TPM2: variants seen among roughly 807,000 people sequenced by gnomAD.
TPM2 encodes the protein tropomyosin 2.
Under a neutral mutation model 41.0 loss-of-function variants are expected in TPM2, and 26 were observed. That is an observed-to-expected ratio of 0.63 (90% CI 0.46 to 0.88). The LOEUF is 0.88. Among genes scored for constraint, TPM2 ranks in the 40% least tolerant of loss-of-function variants. The pLI is 0.00. For synonymous variants in TPM2, 143 were observed against 139.3 expected (o/e 1.03, Z -0.19); for missense variants, 187 against 355.2 (o/e 0.53, Z 3.81).
intron 1 of TPM2, 32 bp from the exon 2 acceptor site, chr9:35,689,303 G>T (rs1470152615): frequency 6.2e-7 from 1 of 1,613,552 alleles, no homozygotes; most frequent in Middle Eastern, 1.7e-4. Context: ...CAGCCAGGCT[G>T]GGAGGGGGCC....
At chr9:35,686,057 C>T (rs573615462) in intron 2 of TPM2, among the ~76,000 whole-genome samples, 5 of 152,246 alleles carry the variant, frequency 3.3e-5, no homozygotes, top group Admixed American at 2.6e-4. Context: ...TTGAGAGCAG[C>T]CTGGCCAACA....
In TPM2 at chr9:35,684,852, C is replaced by A. The variant is rs147620993; in HGVS notation, c.564-45G>T. Reference sequence around the variant, plus strand: ...GGGGGGGCAGGGTGTGAGGGCACAGCGAAGCCAGACAGTGGAGATGGCACA... The same window carrying A: ...GGGGGGGCAGGGTGTGAGGGCACAGAGAAGCCAGACAGTGGAGATGGCACA... On this transcript the variant is annotated intron_variant, in intron 5 of 8. Coordinates refer to ENST00000645482, the MANE Select transcript of TPM2 (RefSeq NM_003289.4). 2.2e-5 allele frequency: 36 copies of A among 1,613,458 alleles called. No homozygotes were observed. The East Asian group carries it at 7.4e-4, about 33-fold the overall frequency.
At chr9:35,683,358 CAG>C in intron 8 of TPM2, 117 bp from the exon 9 acceptor site, 2 of 1,049,374 alleles carry the variant, frequency 1.9e-6, no homozygotes, top group Non-Finnish European at 2.8e-6. Flanking sequence ...TACACAAAGA[CAG>C]AGTGAGAGAG....
intron 2 of TPM2, among the ~76,000 whole-genome samples, chr9:35,686,636 C>CAAAAAAAA (rs11408936): frequency 9.6e-6 from 1 of 104,370 alleles, no homozygotes. Flanking sequence ...GATCCCATCT[C>CAAAAAAAA]AAAAAAAAAA....
chr9:35,689,008 G>A, intron 2 of TPM2, 138 bp downstream of exon 2: 2 of 1,032,026 alleles, frequency 1.9e-6, no homozygotes, highest in Non-Finnish European at 3.0e-6. Flanking sequence ...CCTAGCCCTG[G>A]TTACTGAGAT....
At chr9:35,684,831 G>GT (rs779225518) in intron 5 of TPM2, 24 bp from the exon 6 acceptor site, 1 of 1,613,562 alleles carries the variant, frequency 6.2e-7, no homozygotes, top group African/African-American at 1.3e-5. Flanking sequence ...GTGGCGGGGG[G>GT]GGCAGGGTGT....
At chr9:35,683,900 G>A (rs1782570322) in intron 8 of TPM2, 4 of 378,600 alleles carry the variant, frequency 1.1e-5, no homozygotes, top group East Asian at 1.3e-4. Flanking sequence ...GCCACTCAGA[G>A]TGTGGCATGA....
chr9:35,689,471 C>T, intron 1 of TPM2, 200 bp from the exon 2 acceptor site: 5 of 898,214 alleles, frequency 5.6e-6, no homozygotes, highest in Non-Finnish European at 6.7e-6. Flanking sequence ...AGGAGCAGGA[C>T]CAACCGCGCT....
In TPM2 at chr9:35,685,849, G is replaced by C; in HGVS notation, c.241-69C>G. ...GGATAAGGATCAGAGAGGCTCCAGA[G>C]GATGGCGAGATTCTTCTCAGAAAGA... On this transcript the variant is annotated intron_variant, in intron 2 of 8. Transcript: ENST00000645482. The surrounding 1 kb of genome is among the most constrained non-coding windows in gnomAD (Gnocchi z 5.0). 6.2e-7 allele frequency: 1 copy of C among 1,610,700 alleles called. No individual in the cohort carries two copies. Among genetic ancestry groups the C allele is most frequent in the African/African-American group, 1.3e-5 (1 of 74,966 alleles).
upstream of TPM2, chr9:35,689,931 G>T: frequency 6.3e-7 from 1 of 1,589,334 alleles, no homozygotes; most frequent in Non-Finnish European, 8.5e-7. Context: ...GGACTGGGAC[G>T]TCCCGGCCAC....
rs1824875952 is a variant in TPM2, at chr9:35,685,866, T to C, written c.241-86A>G. The C allele has an allele frequency of 1.9e-6, 3 of 1,604,788 alleles. No individual in the cohort carries two copies. In the East Asian group the frequency reaches 6.7e-5, roughly 36 times the overall value. On this transcript the variant is annotated intron_variant, in intron 2 of 8. Transcript: ENST00000645482. The surrounding 1 kb of genome is among the most constrained non-coding windows in gnomAD (Gnocchi z 5.0). ...GCTCCAGAGGATGGCGAGATTCTTC[T>C]CAGAAAGAACTGAGGCTTCCTGGTT...
intron 2 of TPM2, among the ~76,000 whole-genome samples, chr9:35,687,958 G>A (rs1015075571): frequency 1.3e-5 from 2 of 152,252 alleles, no homozygotes; most frequent in South Asian, 2.1e-4. Context: ...CACCATGTAA[G>A]TTGAGTGCTG....
intron 8 of TPM2, among the ~76,000 whole-genome samples, chr9:35,683,774 A>G (rs1824712354): frequency 6.6e-6 from 1 of 152,248 alleles, no homozygotes; most frequent in Non-Finnish European, 1.5e-5. Flanking sequence ...AGTGTTTTCT[A>G]TTAGTGCTGT....
intron 2 of TPM2, among the ~76,000 whole-genome samples, chr9:35,688,595 AT>A (rs1272235738): frequency 6.6e-6 from 1 of 152,164 alleles, no homozygotes; most frequent in Non-Finnish European, 1.5e-5. Flanking sequence ...TGACAGCTTA[AT>A]GAGGGTAAAT....
At chr9:35,682,082 C>G (rs749516397), downstream of TPM2, 1 of 1,614,144 alleles carries the variant, frequency 6.2e-7, no homozygotes, top group South Asian at 1.1e-5. Flanking sequence ...GGCTGGCCCT[C>G]ACAGGTTGTT....
intron 2 of TPM2, among the ~76,000 whole-genome samples, chr9:35,688,253 G>A (rs572270198): frequency 1.3e-5 from 2 of 152,320 alleles, no homozygotes; most frequent in South Asian, 4.1e-4. Context: ...CCCCTGGGGG[G>A]CTGGGAACAT....
chr9:35,689,838 C>T lies in TPM2; in HGVS notation c.-21G>A. On this transcript the variant is annotated 5_prime_UTR_variant, in exon 1 of 9. Coordinates refer to ENST00000645482, the MANE Select transcript of TPM2 (RefSeq NM_003289.4). ...TCCATGGCTGCGGTGGGGGGTGGGC[C>T]GGCCGGCAGGCGGTGAGGACCGGAC... 1.2e-6 allele frequency: 2 copies of T among 1,613,270 alleles called. No individual in the cohort carries two copies. Among genetic ancestry groups the T allele is most frequent in the Non-Finnish European group, 8.5e-7 (1 of 1,179,512 alleles).
downstream of TPM2, chr9:35,682,535 G>A: frequency 1.6e-6 from 2 of 1,251,036 alleles, no homozygotes; most frequent in East Asian, 4.8e-5. Flanking sequence ...TGCTGCTGCA[G>A]TGAAAGCCCC....
chr9:35,687,582 AGGTGCTGAAG>A (rs550408489), intron 2 of TPM2, among the ~76,000 whole-genome samples: 50 of 152,208 alleles, frequency 3.3e-4, no homozygotes, highest in African/African-American at 1.1e-3. Flanking sequence ...CTTGTCTTCC[AGGTGCTGAAG>A]GCACCTGGAG....
Sources: allele counts gnomAD v4.1 joint callset (sites outside exome capture counted in the v4.1 genomes callset), GRCh38; gene constraint gnomAD v4.1.1; non-coding constraint Gnocchi (gnomAD v3.1); transcripts MANE v1.5; gene names NCBI Gene and HGNC (gene_info 2026-07-23, HGNC 2026-07-21).